GPR161: variants seen among roughly 807,000 people sequenced by gnomAD.
The protein encoded by GPR161 is G-protein coupled receptor RE2.
GPR161 carries 25 observed loss-of-function variants against 39.2 expected under a neutral mutation model. The observed-to-expected ratio is 0.64, with a 90% CI of 0.47 to 0.89. The LOEUF (loss-of-function observed/expected upper bound fraction) is 0.89, where lower values mean the gene tolerates loss of function less well. GPR161 is among the 40% of genes least tolerant of loss of function. GPR161 has a pLI of 0.00. For synonymous variants in GPR161, 286 were observed against 276.6 expected (o/e 1.03, Z -0.34); for missense variants, 547 against 677.8 (o/e 0.81, Z 2.14).
At chr1:168,133,800 G>A (rs1699169077) in intron 1 of GPR161, 1 of 282,598 alleles carries the variant, frequency 3.5e-6, no homozygotes, top group Non-Finnish European at 5.3e-6. Context: ...ATATATTCAG[G>A]TTGGTCCTAA....
chr1:168,134,400 C>T (rs780156640), intron 1 of GPR161, among the ~76,000 whole-genome samples: 1 of 152,112 alleles, frequency 6.6e-6, no homozygotes, highest in Non-Finnish European at 1.5e-5. Flanking sequence ...GAGTCATAGA[C>T]GAGTACTGGG....
intron 4 of GPR161, 161 bp downstream of exon 4, chr1:168,090,403 A>T (rs1694937287): frequency 3.8e-6 from 2 of 525,674 alleles, no homozygotes; most frequent in Non-Finnish European, 6.9e-6. Flanking sequence ...GAAAAGTCAA[A>T]GCCACGACTG....
intron 2 of GPR161, among the ~76,000 whole-genome samples, chr1:168,097,633 T>C (rs1695683047): frequency 2.0e-5 from 3 of 152,306 alleles, no homozygotes; most frequent in Non-Finnish European, 2.9e-5. Flanking sequence ...ACCAGAATGA[T>C]GTTGAAGGAC....
rs1198382064 is a variant in GPR161, at chr1:168,115,727, C to T, written c.-44-10833G>A. On this transcript the variant is annotated intron_variant, in intron 1 of 5. Coordinates refer to ENST00000682931, the MANE Select transcript of GPR161 (RefSeq NM_001375883.1). ...CTGACGCCTCTCTAATGAGGGTCCC[C>T]GGGATAGGACAAGACACACCTGTCC... Among the ~76,000 whole-genome samples, 8 of 152,016 alleles carry T rather than the reference C, an allele frequency of 5.3e-5. No homozygotes were observed. In the East Asian group the frequency reaches 1.4e-3, roughly 26 times the overall value.
chr1:168,103,806 C>A (rs1353613202), intron 2 of GPR161, among the ~76,000 whole-genome samples: 1 of 152,210 alleles, frequency 6.6e-6, no homozygotes, highest in South Asian at 2.1e-4. Context: ...TAAATGCACT[C>A]ATTTGTGGGA....
rs769346785 is a variant in GPR161, at chr1:168,104,652, A to G, written c.199T>C (p.Phe67Leu). 9.3e-6 allele frequency: 15 copies of G among 1,614,170 alleles called. No individual in the cohort carries two copies. Among genetic ancestry groups the G allele is most frequent in the Non-Finnish European group, 1.3e-5 (15 of 1,179,988 alleles). ...YLLTLSNKFV[F>L]SLTLSNFLLS... ...AGGAAGTTGGACAGAGTCAGGCTGA[A>G]GACGAACTTGTTGCTGAGGGTGAGG... The change falls in exon 2 of 6, where the codon TTC becomes CTC. Residue 67 changes from phenylalanine to leucine, a missense_variant. Phe to Leu is a conservative substitution (Grantham distance 22). Coordinates refer to ENST00000682931, the MANE Select transcript of GPR161 (RefSeq NM_001375883.1).
intron 5 of GPR161, 43 bp downstream of exon 5, chr1:168,087,542 G>A (rs753023666): frequency 5.7e-5 from 92 of 1,609,780 alleles, no homozygotes; most frequent in East Asian, 1.6e-4. Flanking sequence ...GATCCTTTCC[G>A]TTTCCCTATG....
intron 1 of GPR161, among the ~76,000 whole-genome samples, chr1:168,133,176 C>T (rs1055707695): frequency 3.9e-5 from 6 of 152,144 alleles, no homozygotes; most frequent in African/African-American, 1.2e-4. Context: ...GAGATGTTGC[C>T]TTTTATAACT....
rs1694158128 is a variant in GPR161 at position 168,082,656 on chromosome 1, CAGA to C, written c.*2872_*2874del. 1 of 152,198 alleles carries C rather than the reference CAGA, an allele frequency of 6.6e-6. No individual in the cohort carries two copies. The highest frequency in any genetic ancestry group is 2.4e-5 in the African/African-American group (1 of 41,428). 9.4% of individuals were successfully genotyped at this position (152,198 alleles called of 1,614,324 possible). On this transcript the variant is annotated 3_prime_UTR_variant, in exon 6 of 6. Transcript: ENST00000682931. ...GTCCTAAATGTGGTCTTGTCAAAACCAGAAGACACAGGACTGAGTTGTTTAAGC... is the reference window on the plus strand; with the variant it reads ...GTCCTAAATGTGGTCTTGTCAAAACCAGACACAGGACTGAGTTGTTTAAGC...
At chr1:168,102,730 G>A (rs1235318596) in intron 2 of GPR161, among the ~76,000 whole-genome samples, 1 of 151,786 alleles carries the variant, frequency 6.6e-6, no homozygotes, top group Non-Finnish European at 1.5e-5. Flanking sequence ...ACAGCTCTGA[G>A]AGGAGCACTT....
chr1:168,087,955 T>TA, intron 4 of GPR161: 1 of 398,378 alleles, frequency 2.5e-6, no homozygotes, highest in Non-Finnish European at 4.5e-6. Flanking sequence ...AGTAGGGGGT[T>TA]ATCTGCCTCA....
At position 168,084,934 on chromosome 1, in the gene GPR161, G is replaced by A; in HGVS notation, c.*597C>T. ...CTGTCCCTATTAGCACCAGCAGGTGGCGCCACTGAGGACCGCTCCGAAGCG... is the reference window on the plus strand; with the variant it reads ...CTGTCCCTATTAGCACCAGCAGGTGACGCCACTGAGGACCGCTCCGAAGCG... On this transcript the variant is annotated 3_prime_UTR_variant, in exon 6 of 6. Coordinates refer to ENST00000682931, the MANE Select transcript of GPR161 (RefSeq NM_001375883.1). 8.8e-6 allele frequency: 4 copies of A among 456,286 alleles called. No individual in the cohort carries two copies. The highest frequency in any genetic ancestry group is 1.8e-5 in the Non-Finnish European group (4 of 226,966). The allele number at this position is 456,286 out of a possible 1,614,324, so 28.3% of individuals were successfully genotyped here. A position where few individuals can be genotyped will look rare whatever the true frequency, so the allele number is the denominator to read the frequency against.
At chr1:168,090,712 A>C (rs1444659546) in intron 3 of GPR161, 44 bp from the exon 4 acceptor site, 2 of 1,173,908 alleles carry the variant, frequency 1.7e-6, no homozygotes, top group African/African-American at 3.1e-5. Flanking sequence ...ACACTCTGCA[A>C]GGAGGGGCCC....
rs1034326115 is a variant in GPR161, at chr1:168,085,574, T to G, written c.1547A>C (p.Gln516Pro). The change falls in exon 6 of 6, where the codon CAG (glutamine) becomes CCG (proline). Residue 516 changes from glutamine to proline, a missense_variant. By Grantham distance (76) the Gln-to-Pro change is moderately conservative. Transcript: ENST00000682931. ...RTLVSQRLQL[Q>P]SIEEGDVLAA... is the part of the protein sequence containing the mutation. ...TAAAACATCTCCTTCTTCGATGCTCTGCAACTGCAGCCTCTGGCTCACAAG... is the reference window on the plus strand; with the variant it reads ...TAAAACATCTCCTTCTTCGATGCTCGGCAACTGCAGCCTCTGGCTCACAAG... The G allele has an allele frequency of 9.9e-6, 16 of 1,613,914 alleles. No homozygotes were observed. The highest frequency in any genetic ancestry group is 1.4e-5 in the Non-Finnish European group (16 of 1,180,000).
intron 1 of GPR161, among the ~76,000 whole-genome samples, chr1:168,125,208 A>T (rs1299702576): frequency 2.6e-5 from 4 of 152,192 alleles, no homozygotes; most frequent in Non-Finnish European, 4.4e-5. Flanking sequence ...AGCTAATACT[A>T]TCCTGAGGGA....
chr1:168,115,672 C>T (rs574930686), intron 1 of GPR161, among the ~76,000 whole-genome samples: 2 of 152,176 alleles, frequency 1.3e-5, no homozygotes, highest in African/African-American at 2.4e-5. Context: ...GGGTTACTGG[C>T]GGGGTGTGGT....
intron 1 of GPR161, among the ~76,000 whole-genome samples, chr1:168,106,549 T>C (rs996231994): frequency 6.6e-6 from 1 of 152,228 alleles, no homozygotes; most frequent in South Asian, 2.1e-4. Context: ...TTTGTGTCAC[T>C]GAGCTCCAGC....
chr1:168,090,738 C>G, intron 3 of GPR161, 70 bp from the exon 4 acceptor site: 1 of 719,568 alleles, frequency 1.4e-6, no homozygotes, highest in South Asian at 1.8e-5. Flanking sequence ...TCCGTTTCCC[C>G]ACAGACCCAT....
chr1:168,099,079 G>A (rs1023347219), intron 2 of GPR161, among the ~76,000 whole-genome samples: 2 of 152,190 alleles, frequency 1.3e-5, no homozygotes, highest in Non-Finnish European at 2.9e-5. Context: ...ATGGGGGACT[G>A]GCCATCGACC....
Sources: allele counts gnomAD v4.1 joint callset (sites outside exome capture counted in the v4.1 genomes callset), GRCh38; gene constraint gnomAD v4.1.1; transcripts MANE v1.5; gene names NCBI Gene and HGNC (gene_info 2026-07-23, HGNC 2026-07-21).